IMMP2L: variants seen among roughly 807,000 people sequenced by gnomAD.
The protein encoded by IMMP2L is mitochondrial inner membrane protease subunit 2.
In IMMP2L, 18 loss-of-function variants were observed where a neutral mutation model predicts 19.3. That is an observed-to-expected ratio of 0.93 (90% CI 0.64 to 1.38). The LOEUF is 1.38. Ranked by LOEUF, IMMP2L falls within the 40% of genes most tolerant of loss-of-function variation. The pLI, the probability that IMMP2L is intolerant of heterozygous loss-of-function variation, is 0.00. For missense variants in IMMP2L, 233 were observed against 218.2 expected (o/e 1.07, Z -0.43); for synonymous variants, 76 against 73.0 (o/e 1.04, Z -0.21).
intron 3 of IMMP2L, among the ~76,000 whole-genome samples, chr7:111,447,026 G>C (rs1418585270): frequency 7.0e-6 from 1 of 143,358 alleles, no homozygotes; most frequent in Non-Finnish European, 1.5e-5. Flanking sequence ...AAAAAGAAAT[G>C]AGCAAAGCCT....
intron 4 of IMMP2L, among the ~76,000 whole-genome samples, chr7:110,946,130 C>G (rs1817225384): frequency 6.6e-6 from 1 of 152,154 alleles, no homozygotes; most frequent in Non-Finnish European, 1.5e-5. Flanking sequence ...ACCTGGAGTG[C>G]CTGTTAAAAC....
intron 5 of IMMP2L, among the ~76,000 whole-genome samples, chr7:110,732,518 T>C (rs1007186689): frequency 1.3e-5 from 2 of 150,116 alleles, no homozygotes; most frequent in African/African-American, 5.0e-5. Flanking sequence ...TGAGGAAGAA[T>C]AGACACAGAT....
chr7:111,191,250 T>C (rs1315173833), intron 3 of IMMP2L, among the ~76,000 whole-genome samples: 3 of 152,080 alleles, frequency 2.0e-5, no homozygotes, highest in Non-Finnish European at 4.4e-5. Flanking sequence ...TCCCCCAAAA[T>C]GCAGGTAAGA....
intron 3 of IMMP2L, among the ~76,000 whole-genome samples, chr7:111,348,373 T>G (rs891919147): frequency 1.3e-5 from 2 of 152,128 alleles, no homozygotes; most frequent in African/African-American, 4.8e-5. Context: ...AGATTTTATC[T>G]TCATAAATAC....
At chr7:111,443,836 G>A (rs1490774423) in intron 3 of IMMP2L, among the ~76,000 whole-genome samples, 1 of 152,018 alleles carries the variant, frequency 6.6e-6, no homozygotes, top group African/African-American at 2.4e-5. Context: ...AGTGAAAGGG[G>A]TGGAAAGTTA....
intron 5 of IMMP2L, among the ~76,000 whole-genome samples, chr7:110,670,013 C>T (rs1244573084): frequency 6.6e-6 from 1 of 152,136 alleles, no homozygotes. Flanking sequence ...ATTGTGTTCC[C>T]TCAACTTTAT....
At chr7:111,411,877 CA>C in intron 3 of IMMP2L, 1 of 200,502 alleles carries the variant, frequency 5.0e-6, no homozygotes, top group Non-Finnish European at 1.1e-5. Context: ...AGGTCACTGT[CA>C]AATAGACCCA....
intron 4 of IMMP2L, among the ~76,000 whole-genome samples, chr7:110,942,406 A>G (rs1039467314): frequency 5.9e-5 from 9 of 151,948 alleles, no homozygotes; most frequent in African/African-American, 1.9e-4. Flanking sequence ...TGTACAAAGC[A>G]TATCTGTCTA....
At chr7:110,824,279 G>T (rs1160344765) in intron 5 of IMMP2L, among the ~76,000 whole-genome samples, 1 of 151,988 alleles carries the variant, frequency 6.6e-6, no homozygotes, top group Non-Finnish European at 1.5e-5. Flanking sequence ...TTTCTCCCAT[G>T]TAACTCCAGT....
intron 1 of IMMP2L, among the ~76,000 whole-genome samples, chr7:111,549,917 G>A (rs1209861749): frequency 6.8e-6 from 1 of 147,380 alleles, no homozygotes; most frequent in Non-Finnish European, 1.5e-5. Flanking sequence ...CTCCAGCCTG[G>A]ATGACAGAGC....
intron 3 of IMMP2L, among the ~76,000 whole-genome samples, chr7:111,447,643 C>T (rs536959234): frequency 6.6e-6 from 1 of 151,850 alleles, no homozygotes; most frequent in Admixed American, 6.6e-5. Context: ...GAAGAAACTG[C>T]ATCAACTAAG....
At chr7:111,381,251 A>G (rs1831175195) in intron 3 of IMMP2L, among the ~76,000 whole-genome samples, 1 of 151,892 alleles carries the variant, frequency 6.6e-6, no homozygotes. Flanking sequence ...TTTGACCTGT[A>G]AGACATGGGA....
chr7:110,896,925 A>T (rs1449142441), intron 4 of IMMP2L, among the ~76,000 whole-genome samples: 1 of 151,782 alleles, frequency 6.6e-6, no homozygotes, highest in African/African-American at 2.4e-5. Flanking sequence ...TAATTTTCCC[A>T]CCTCAGCCTC....
At chr7:110,847,795 T>C (rs1432764214) in intron 5 of IMMP2L, among the ~76,000 whole-genome samples, 1 of 152,032 alleles carries the variant, frequency 6.6e-6, no homozygotes, top group Non-Finnish European at 1.5e-5. Flanking sequence ...TGAAGGTAAG[T>C]CAATGGAGAA....
intron 3 of IMMP2L, among the ~76,000 whole-genome samples, chr7:111,307,929 T>C (rs1425454216): frequency 6.6e-6 from 1 of 151,946 alleles, no homozygotes; most frequent in Non-Finnish European, 1.5e-5. Context: ...TTAAGGGGAT[T>C]TGAATACATA....
At chr7:111,153,229 AAAG>A (rs1262778890) in intron 3 of IMMP2L, among the ~76,000 whole-genome samples, 1 of 152,224 alleles carries the variant, frequency 6.6e-6, no homozygotes, top group Non-Finnish European at 1.5e-5. Flanking sequence ...TGGGAATTTT[AAAG>A]AAGATTTATA....
intron 5 of IMMP2L, among the ~76,000 whole-genome samples, chr7:110,676,722 T>C (rs530242713): frequency 3.8e-4 from 58 of 152,296 alleles, no homozygotes; most frequent in African/African-American, 1.4e-3. Context: ...CCACAATGGA[T>C]TGACAGCAAT....
intron 3 of IMMP2L, among the ~76,000 whole-genome samples, chr7:111,249,299 A>C: frequency 7.4e-6 from 1 of 135,566 alleles, no homozygotes; most frequent in South Asian, 2.8e-4. Context: ...TGCATCCATC[A>C]CCCCTTTCTT....
At chr7:110,944,356 G>A (rs1817020523) in intron 4 of IMMP2L, among the ~76,000 whole-genome samples, 1 of 151,964 alleles carries the variant, frequency 6.6e-6, no homozygotes, top group African/African-American at 2.4e-5. Flanking sequence ...TGGGGATGGA[G>A]AAGGATCTGC....
Sources: gnomAD v4.1 joint callset for allele counts (sites outside exome capture counted in the v4.1 genomes callset) on GRCh38, gnomAD v4.1.1 for gene constraint, MANE v1.5 for transcripts, NCBI Gene and HGNC (gene_info 2026-07-23, HGNC 2026-07-21) for gene names.